Variants in AMOTL1 observed in about 807,000 individuals in gnomAD.
AMOTL1 encodes angiomotin-like protein 1.
AMOTL1 carries 45 observed loss-of-function variants against 102.9 expected under a neutral mutation model. That is an observed-to-expected ratio of 0.44 (90% CI 0.34 to 0.56). AMOTL1 has a LOEUF of 0.56. AMOTL1 is among the 20% of genes least tolerant of loss of function. AMOTL1 has a pLI of 0.01. For missense variants in AMOTL1, 1,114 were observed against 1,225.6 expected, an observed-to-expected ratio of 0.91 and a Z score of 1.36; for synonymous variants, 481 against 484.7, an observed-to-expected ratio of 0.99 and a Z score of 0.10.
In AMOTL1 at chr11:94,732,101, C is replaced by T. The variant is rs141204452; in HGVS notation, c.85+3046C>T. Reference sequence around the variant, plus strand: ...TTCCCTACCTCACCTCTCCCCACCACTGGCTAGTGCCAGCTATTCTATCTC... The same window carrying T: ...TTCCCTACCTCACCTCTCCCCACCATTGGCTAGTGCCAGCTATTCTATCTC... On this transcript the variant is annotated intron_variant, in intron 2 of 4. Transcript: ENST00000299004. Among the ~76,000 whole-genome samples the T allele has an allele frequency of 4.0e-3, 604 of 152,344 alleles. 4 individuals carry two copies. Among genetic ancestry groups the T allele is most frequent in the African/African-American group, 0.014 (580 of 41,582 alleles).
At chr11:94,821,946 T>C in intron 4 of AMOTL1, 125 bp downstream of exon 4, 1 of 1,248,414 alleles carries the variant, frequency 8.0e-7, no homozygotes, top group Non-Finnish European at 1.1e-6. Context: ...TGTGCAAGGC[T>C]TTAGGGAGAT....
At chr11:94,770,141 C>G (rs1487923983) in intron 1 of AMOTL1, among the ~76,000 whole-genome samples, 1 of 152,138 alleles carries the variant, frequency 6.6e-6, no homozygotes, top group African/African-American at 2.4e-5. Flanking sequence ...CTCCTGGGCC[C>G]GGGCAGCTGT....
upstream of AMOTL1, among the ~76,000 whole-genome samples, chr11:94,763,938 C>T (rs1237501373): frequency 6.6e-6 from 1 of 152,112 alleles, no homozygotes; most frequent in Non-Finnish European, 1.5e-5. Context: ...AACTTCTCAC[C>T]TGGTGATTAT....
At chr11:94,755,691 C>G (rs553307135) in intron 3 of AMOTL1, among the ~76,000 whole-genome samples, 2 of 152,264 alleles carry the variant, frequency 1.3e-5, no homozygotes, top group African/African-American at 4.8e-5. Context: ...CCTCGCTGCT[C>G]AAACTCCTAG....
chr11:94,760,267 C>A (rs749341581), intron 3 of AMOTL1, among the ~76,000 whole-genome samples: 1 of 152,174 alleles, frequency 6.6e-6, no homozygotes, highest in Non-Finnish European at 1.5e-5. Flanking sequence ...CCAAACTGGC[C>A]ATTTTCTGAT....
intron 3 of AMOTL1, among the ~76,000 whole-genome samples, chr11:94,760,870 T>C (rs1183465835): frequency 6.6e-6 from 1 of 152,232 alleles, no homozygotes; most frequent in Admixed American, 6.5e-5. Flanking sequence ...TCATCCAGGC[T>C]GGAGTGCAAT....
At chr11:94,755,319 A>ATGTC (rs1017011932) in intron 3 of AMOTL1, among the ~76,000 whole-genome samples, 1 of 152,182 alleles carries the variant, frequency 6.6e-6, no homozygotes, top group African/African-American at 2.4e-5. Context: ...GCAGAAGCTC[A>ATGTC]TGTCTGATCG....
At chr11:94,749,176 T>C (rs911312177) in intron 3 of AMOTL1, among the ~76,000 whole-genome samples, 1 of 152,184 alleles carries the variant, frequency 6.6e-6, no homozygotes, top group African/African-American at 2.4e-5. Context: ...CTCAGAACCA[T>C]GGAACATGAT....
At position 94,855,991 on chromosome 11, in the gene AMOTL1, C is replaced by T. The variant is rs182149164; in HGVS notation, c.1944+1909C>T. ...CAGCTGTGTATGGCTGACATGAGAC[C>T]GAAGAGGAGGAGACAGTCTCTAAAC... On this transcript the variant is annotated intron_variant, in intron 8 of 12. Coordinates refer to ENST00000433060, the MANE Select transcript of AMOTL1 (RefSeq NM_130847.3). Among the ~76,000 whole-genome samples the T allele has an allele frequency of 4.5e-4, 68 of 152,234 alleles. 1 individual carries two copies. The highest frequency in any genetic ancestry group is 3.9e-3 in the Admixed American group (59 of 15,282).
At chr11:94,801,418 C>T (rs1443605504) in intron 3 of AMOTL1, among the ~76,000 whole-genome samples, 16 of 152,076 alleles carry the variant, frequency 1.1e-4, no homozygotes, top group African/African-American at 3.9e-4. Flanking sequence ...TTGATGATGA[C>T]GGTCTCTGGG....
At chr11:94,779,623 ACC>A (rs1951078402) in intron 1 of AMOTL1, among the ~76,000 whole-genome samples, 1 of 152,178 alleles carries the variant, frequency 6.6e-6, no homozygotes. Flanking sequence ...AAGACATTGT[ACC>A]GTGAGACCCC....
chr11:94,870,897 A>C lies in AMOTL1; in HGVS notation c.*102A>C. 1.1e-6 allele frequency: 1 copy of C among 894,788 alleles called. No homozygotes were observed. Among genetic ancestry groups the C allele is most frequent in the Non-Finnish European group, 1.7e-6 (1 of 605,582 alleles). The allele number at this position is 894,788 out of a possible 1,614,324, so 55.4% of individuals were successfully genotyped here. ...GGTTGTAGATGGGAAATCAGGAATG[A>C]TTTGAACTGATAAAGATTTCAGACT... On this transcript the variant is annotated 3_prime_UTR_variant, in exon 13 of 13. Transcript: ENST00000433060.
At chr11:94,796,610 C>T (rs926928623) in intron 2 of AMOTL1, among the ~76,000 whole-genome samples, 9 of 152,072 alleles carry the variant, frequency 5.9e-5, no homozygotes, top group South Asian at 2.1e-4. Flanking sequence ...CACGGAAGAA[C>T]GGATGGGATG....
intron 6 of AMOTL1, among the ~76,000 whole-genome samples, chr11:94,841,791 T>TA (rs376201091): frequency 2.0e-5 from 3 of 152,066 alleles, no homozygotes; most frequent in South Asian, 2.1e-4. Flanking sequence ...CTTGGGTGGG[T>TA]AAAAAAACCT....
intron 1 of AMOTL1, among the ~76,000 whole-genome samples, chr11:94,719,314 A>G (rs1024702526): frequency 5.3e-5 from 8 of 151,966 alleles, no homozygotes; most frequent in Non-Finnish European, 1.2e-4. Context: ...AAACCCCGAC[A>G]CTGTTTTCCT....
rs375328462 is a variant in AMOTL1, at chr11:94,831,480, A to C, written c.1587A>C (p.Leu529=). Residue 529 remains leucine (L), a synonymous_variant, in exon 6 of 13, where the codon CTA becomes CTC. Transcript: ENST00000433060. ...GACTAGAGACTGCTAACAGGCAACT[A>C]TCCAGCAGGGAATACGAAGGGCATG... ...RDRLETANRQ[L]SSREYEGHED... 8.1e-6 allele frequency: 13 copies of C among 1,613,770 alleles called. No individual in the cohort carries two copies. Among genetic ancestry groups the C allele is most frequent in the African/African-American group, 2.7e-5 (2 of 74,942 alleles).
intron 1 of AMOTL1, among the ~76,000 whole-genome samples, chr11:94,707,244 CTCTCTCTG>C (rs1382100162): frequency 3.4e-4 from 19 of 55,472 alleles, no homozygotes; most frequent in South Asian, 1.8e-3. Flanking sequence ...CTCTCTCTCT[CTCTCTCTG>C]TGTGTGTGTG....
intron 6 of AMOTL1, among the ~76,000 whole-genome samples, chr11:94,842,786 AG>A (rs1343479457): frequency 6.6e-6 from 1 of 152,190 alleles, no homozygotes; most frequent in Non-Finnish European, 1.5e-5. Flanking sequence ...GTTCATCTTC[AG>A]AACTCCTCTC....
intron 6 of AMOTL1, among the ~76,000 whole-genome samples, chr11:94,849,108 A>G (rs777486116): frequency 1.3e-5 from 2 of 152,180 alleles, no homozygotes; most frequent in Admixed American, 6.5e-5. Flanking sequence ...CTCATTTTCT[A>G]TAAATATGGA....
Sources: gnomAD v4.1 joint callset for allele counts (sites outside exome capture counted in the v4.1 genomes callset) on GRCh38, gnomAD v4.1.1 for gene constraint, MANE v1.5 for transcripts, NCBI Gene and HGNC (gene_info 2026-07-23, HGNC 2026-07-21) for gene names.